The following RAMP1 variants were observed in gnomAD, a reference collection of about 807,000 sequenced individuals.
The protein encoded by RAMP1 is receptor activity modifying protein 1, also known as receptor activity-modifying protein 1.
Under a neutral mutation model 8.2 loss-of-function variants are expected in RAMP1, and 7 were observed. That is an observed-to-expected ratio of 0.85 (90% CI 0.49 to 1.60). RAMP1 has a LOEUF of 1.60. Among genes scored for constraint, RAMP1 ranks in the 40% most tolerant of loss-of-function variants. The pLI, the probability that RAMP1 is intolerant of heterozygous loss-of-function variation, is 0.00. For missense variants in RAMP1, 192 were observed against 202.4 expected (o/e 0.95, Z 0.31); for synonymous variants, 92 against 84.7 (o/e 1.09, Z -0.47).
At chr2:237,906,022 A>AG (rs2062647499) in intron 2 of RAMP1, among the ~76,000 whole-genome samples, 1 of 151,698 alleles carries the variant, frequency 6.6e-6, no homozygotes. Context: ...AAAAAAAAAA[A>AG]AAAAAAAAGG....
intron 2 of RAMP1, among the ~76,000 whole-genome samples, chr2:237,910,874 AAC>A (rs1350257603): frequency 2.0e-5 from 3 of 150,436 alleles, no homozygotes; most frequent in African/African-American, 7.3e-5. Context: ...CACAGAGAAT[AAC>A]AGTCACACAC....
chr2:237,909,935 G>A (rs1402611019), intron 2 of RAMP1, among the ~76,000 whole-genome samples: 2 of 152,070 alleles, frequency 1.3e-5, no homozygotes, highest in African/African-American at 4.8e-5. Context: ...CTCCGCGATG[G>A]CTTCTCTCCA....
chr2:237,899,219 C>T (rs946530867), intron 2 of RAMP1, among the ~76,000 whole-genome samples: 4 of 152,248 alleles, frequency 2.6e-5, no homozygotes, highest in Middle Eastern at 3.4e-3. Flanking sequence ...TACAGGCACA[C>T]GCTGCCACAC....
At chr2:237,886,903 G>C (rs1239106248) in intron 2 of RAMP1, among the ~76,000 whole-genome samples, 1 of 152,298 alleles carries the variant, frequency 6.6e-6, no homozygotes, top group African/African-American at 2.4e-5. Context: ...GCGGGGGCTC[G>C]TCGTAGCTCA....
chr2:237,894,470 G>A lies in RAMP1; in HGVS notation c.192-17058G>A, dbSNP rs192398405. On this transcript the variant is annotated intron_variant, in intron 2 of 2. Transcript: ENST00000254661. ...GCTAGGCCAGGGCGAGGCTGGCTGT[G>A]GAAGGGCCCTTTGGGCAGCCGCAGG... is the stretch of plus-strand genomic sequence containing the variant. 1.7e-3 allele frequency among the ~76,000 whole-genome samples: 260 copies of A among 152,320 alleles called. 1 individual carries two copies. The highest frequency in any genetic ancestry group is 5.8e-3 in the African/African-American group (242 of 41,560).
At chr2:237,906,010 CAA>C (rs377067863) in intron 2 of RAMP1, among the ~76,000 whole-genome samples, 1,738 of 95,752 alleles carry the variant, frequency 0.018, 13 homozygotes, top group African/African-American at 0.035. Flanking sequence ...GACTCTGTCT[CAA>C]AAAAAAAAAA....
chr2:237,906,242 CCA>C, intron 2 of RAMP1, among the ~76,000 whole-genome samples: 1 of 152,116 alleles, frequency 6.6e-6, no homozygotes, highest in African/African-American at 2.4e-5. Flanking sequence ...CCTGGAGAGA[CCA>C]CACACCCCAA....
chr2:237,891,540 A>G (rs1404802008), intron 2 of RAMP1, among the ~76,000 whole-genome samples: 3 of 152,110 alleles, frequency 2.0e-5, no homozygotes, highest in Non-Finnish European at 2.9e-5. Context: ...AAAATATACT[A>G]TTTCTATTTC....
intron 2 of RAMP1, among the ~76,000 whole-genome samples, chr2:237,880,970 C>A (rs72976070): frequency 0.093 from 14,180 of 152,256 alleles, 853 homozygotes; most frequent in Middle Eastern, 0.22. Context: ...TGTGTTCAGA[C>A]AACTGGCATT....
intron 1 of RAMP1, among the ~76,000 whole-genome samples, chr2:237,861,876 A>G (rs987464173): frequency 6.6e-6 from 1 of 151,668 alleles, no homozygotes; most frequent in East Asian, 1.9e-4. Flanking sequence ...CTTAGGATCC[A>G]TATATAGTTC....
At position 237,877,145 on chromosome 2, in the gene RAMP1, C is replaced by G. The variant is rs967051037; in HGVS notation, c.53-79C>G. 2 of 1,593,916 alleles carry G rather than the reference C, an allele frequency of 1.3e-6. No homozygotes were observed. The highest frequency in any genetic ancestry group is 2.7e-5 in the African/African-American group (2 of 74,670). ...CCCCGTTCTCGTGGAGTCCGGGCTG[C>G]AGGGGCGCGCGGGCTGGCGGTGATA... is the stretch of plus-strand genomic sequence containing the variant. On this transcript the variant is annotated intron_variant, in intron 1 of 2. Transcript: ENST00000254661. The surrounding 1 kb of genome is among the most constrained non-coding windows in gnomAD (Gnocchi z 4.4).
intron 1 of RAMP1, among the ~76,000 whole-genome samples, chr2:237,868,455 C>G (rs928182786): frequency 1.1e-4 from 16 of 152,196 alleles, no homozygotes; most frequent in African/African-American, 3.9e-4. Context: ...CCCTCTACAT[C>G]TGTGAACATC....
intron 1 of RAMP1, among the ~76,000 whole-genome samples, chr2:237,875,840 C>T (rs2062297734): frequency 6.6e-6 from 1 of 152,038 alleles, no homozygotes; most frequent in Non-Finnish European, 1.5e-5. Context: ...AGCACCCCCA[C>T]CCCACCCCTG....
chr2:237,859,891 C>A (rs866002547), intron 1 of RAMP1, 164 bp downstream of exon 1: 7 of 634,946 alleles, frequency 1.1e-5, no homozygotes, highest in Non-Finnish European at 1.2e-5. Flanking sequence ...CGGTTCCAGG[C>A]GGGAGGCCCC....
chr2:237,903,182 T>C (rs890101731), intron 2 of RAMP1, among the ~76,000 whole-genome samples: 6 of 152,190 alleles, frequency 3.9e-5, no homozygotes, highest in Admixed American at 1.3e-4. Flanking sequence ...TAAATGTTTT[T>C]CCACATCTTA....
At chr2:237,908,906 T>C (rs1021070765) in intron 2 of RAMP1, among the ~76,000 whole-genome samples, 1 of 152,222 alleles carries the variant, frequency 6.6e-6, no homozygotes, top group African/African-American at 2.4e-5. Context: ...AGGCATCTGC[T>C]TCCCAGGAGA....
chr2:237,870,320 G>T (rs184990596), intron 1 of RAMP1, among the ~76,000 whole-genome samples: 158 of 152,364 alleles, frequency 1.0e-3, no homozygotes, highest in African/African-American at 3.6e-3. Flanking sequence ...CTGATCTGCA[G>T]GATGGGGTGG....
At position 237,860,417 on chromosome 2, in the gene RAMP1, C is replaced by T. The variant is rs147427122; in HGVS notation, c.52+690C>T. ...GGTCCCTTGGTGAAGTGGTGGAACA[C>T]GTTTGGCTTTCCACTTGGAGGGAGA... is the stretch of plus-strand genomic sequence containing the variant. On this transcript the variant is annotated intron_variant, in intron 1 of 2. Transcript: ENST00000254661. Among the ~76,000 whole-genome samples, 10 of 152,206 alleles carry T rather than the reference C, an allele frequency of 6.6e-5. 1 individual carries two copies. In the East Asian group the frequency reaches 1.2e-3, roughly 18 times the overall value.
At chr2:237,874,161 G>A (rs2062275433) in intron 1 of RAMP1, among the ~76,000 whole-genome samples, 1 of 152,240 alleles carries the variant, frequency 6.6e-6, no homozygotes, top group Non-Finnish European at 1.5e-5. Flanking sequence ...CATGGGTGGT[G>A]GAAGCTAGAA....
Sources: allele counts gnomAD v4.1 joint callset (sites outside exome capture counted in the v4.1 genomes callset), GRCh38; gene constraint gnomAD v4.1.1; non-coding constraint Gnocchi (gnomAD v3.1); transcripts MANE v1.5; gene names NCBI Gene and HGNC (gene_info 2026-07-23, HGNC 2026-07-21).